The following SOX5 variants were observed in gnomAD, a reference collection of about 807,000 sequenced individuals.
SOX5 encodes the protein SRY-box transcription factor 5.
SOX5 carries 9 observed loss-of-function variants against 92.0 expected under a neutral mutation model. That is an observed-to-expected ratio of 0.10 (90% CI 0.06 to 0.17). The LOEUF (loss-of-function observed/expected upper bound fraction) is 0.17, where lower values mean the gene tolerates loss of function less well. Ranked by LOEUF, SOX5 falls within the 10% of genes least tolerant of loss-of-function variation. SOX5 has a pLI of 1.00. For missense variants in SOX5, 642 were observed against 944.5 expected, an observed-to-expected ratio of 0.68 and a Z score of 4.20; for synonymous variants, 344 against 336.3, an observed-to-expected ratio of 1.02 and a Z score of -0.25.
intron 2 of SOX5, among the ~76,000 whole-genome samples, chr12:24,332,368 A>G (rs935342268): frequency 2.0e-5 from 3 of 152,214 alleles, no homozygotes; most frequent in African/African-American, 7.2e-5. Context: ...TAGTCTTGCT[A>G]TAAATCAGCT....
chr12:24,236,269 TTG>T (rs1284069078), intron 3 of SOX5, among the ~76,000 whole-genome samples: 1 of 152,082 alleles, frequency 6.6e-6, no homozygotes, highest in Non-Finnish European at 1.5e-5. Context: ...GTGAAAGAAC[TTG>T]TGTCATTCTT....
chr12:23,570,587 G>A (rs1167247455), intron 10 of SOX5, among the ~76,000 whole-genome samples: 1 of 151,622 alleles, frequency 6.6e-6, no homozygotes, highest in African/African-American at 2.4e-5. Context: ...AGGCCAGACT[G>A]GACAACATGA....
At chr12:23,705,950 G>A (rs1195097903) in intron 6 of SOX5, among the ~76,000 whole-genome samples, 4 of 152,066 alleles carry the variant, frequency 2.6e-5, no homozygotes, top group African/African-American at 9.6e-5. Flanking sequence ...GGAGCTCCTA[G>A]AGAGGGAACA....
chr12:24,528,561 G>T (rs998730256), intron 1 of SOX5, among the ~76,000 whole-genome samples: 3 of 152,236 alleles, frequency 2.0e-5, no homozygotes, highest in African/African-American at 7.2e-5. Flanking sequence ...GGAGAGAAGA[G>T]TGGATGCTAC....
chr12:23,594,734 A>G (rs1952092015), intron 9 of SOX5, among the ~76,000 whole-genome samples: 1 of 152,094 alleles, frequency 6.6e-6, no homozygotes, highest in African/African-American at 2.4e-5. Flanking sequence ...GGTCTTTCTC[A>G]TTTCCCAACC....
At chr12:24,226,763 G>T (rs946917259) in intron 3 of SOX5, among the ~76,000 whole-genome samples, 1 of 152,154 alleles carries the variant, frequency 6.6e-6, no homozygotes, top group African/African-American at 2.4e-5. Context: ...GAGCCACCAC[G>T]CCCGGCCTGT....
At chr12:24,524,435 G>A (rs576732392) in intron 1 of SOX5, among the ~76,000 whole-genome samples, 3 of 151,002 alleles carry the variant, frequency 2.0e-5, no homozygotes, top group African/African-American at 4.9e-5. Context: ...CTGTCTCTCT[G>A]GAGAACCCTA....
At chr12:23,950,260 ACG>A (rs1027800232), upstream of SOX5, among the ~76,000 whole-genome samples, 1 of 140,036 alleles carries the variant, frequency 7.1e-6, no homozygotes, top group Non-Finnish European at 1.6e-5. Context: ...ACGGAAATAC[ACG>A]CACACACACA....
At chr12:24,256,948 T>C (rs551465329) in intron 3 of SOX5, among the ~76,000 whole-genome samples, 67 of 152,318 alleles carry the variant, frequency 4.4e-4, no homozygotes, top group African/African-American at 1.5e-3. Flanking sequence ...ACTGAGCTCA[T>C]TGTTTAGAGC....
intron 6 of SOX5, among the ~76,000 whole-genome samples, chr12:23,710,202 C>T (rs575856148): frequency 1.3e-5 from 2 of 152,094 alleles, no homozygotes; most frequent in East Asian, 3.9e-4. Context: ...ATATGTGGTA[C>T]ATAATTTGGC....
intron 2 of SOX5, among the ~76,000 whole-genome samples, chr12:23,860,891 G>C (rs1365159411): frequency 7.1e-6 from 1 of 139,912 alleles, no homozygotes; most frequent in African/African-American, 2.7e-5. Context: ...GGTCTGCCCT[G>C]TACATTTTTG....
intron 2 of SOX5, among the ~76,000 whole-genome samples, chr12:24,361,623 GTGTGTGTGTGCGCA>G (rs1001676928): frequency 1.6e-4 from 24 of 151,830 alleles, no homozygotes; most frequent in Middle Eastern, 3.4e-3. Context: ...GTGTGTGTGT[GTGTGTGTGTGCGCA>G]TGTGTGTGTG....
Position 24,166,002 on chromosome 12 carries a change from G to A in SOX5, c.-2+47341C>T, listed in dbSNP as rs192118611. ...CTAGAAGCAGCGATATGTTTAAAGA[G>A]ATAGTACAATAACCCAGGAAAACAT... On this transcript the variant is annotated intron_variant, in intron 4 of 4. Coordinates refer to the SOX5 transcript ENST00000446891. 4.6e-4 allele frequency among the ~76,000 whole-genome samples: 70 copies of A among 152,266 alleles called. 1 individual carries two copies. The East Asian group carries it at 0.012, about 26-fold the overall frequency.
intron 3 of SOX5, among the ~76,000 whole-genome samples, chr12:23,808,266 C>A (rs2095816595): frequency 6.6e-6 from 1 of 152,048 alleles, no homozygotes; most frequent in Non-Finnish European, 1.5e-5. Flanking sequence ...ATGACTTTCC[C>A]ACGATCCTTT....
At chr12:24,368,105 A>G (rs1317654824) in intron 2 of SOX5, 1 of 152,220 alleles carries the variant, frequency 6.6e-6, no homozygotes, top group African/African-American at 2.4e-5. Context: ...ACTTTGCTCA[A>G]TTGGAGGAAC....
chr12:24,359,013 T>C (rs1308384427), intron 2 of SOX5, among the ~76,000 whole-genome samples: 1 of 152,182 alleles, frequency 6.6e-6, no homozygotes, highest in African/African-American at 2.4e-5. Context: ...ATCCTGGAAA[T>C]TGAGGAATCC....
In SOX5 at chr12:23,644,607, T is replaced by C. The variant is rs114400906; in HGVS notation, c.932-3710A>G. On this transcript the variant is annotated intron_variant, in intron 7 of 14. Transcript: ENST00000451604. ...AGCAAACTTTATAAGAAGGTACATA[T>C]GTAGAAAAATTATACCATGCTCGTA... Among the ~76,000 whole-genome samples the C allele has an allele frequency of 5.8e-3, 885 of 152,272 alleles. 8 individuals carry two copies. The highest frequency in any genetic ancestry group is 0.02 in the African/African-American group (830 of 41,548).
intron 4 of SOX5, among the ~76,000 whole-genome samples, chr12:24,163,582 C>T (rs1012618447): frequency 6.6e-6 from 1 of 150,444 alleles, no homozygotes; most frequent in Non-Finnish European, 1.5e-5. Context: ...CATTATCTGG[C>T]TTGGGTCATA....
intron 4 of SOX5, among the ~76,000 whole-genome samples, chr12:24,074,871 CTT>C (rs2137500923): frequency 7.2e-6 from 1 of 138,664 alleles, no homozygotes; most frequent in South Asian, 2.3e-4. Flanking sequence ...CTTTGGATTA[CTT>C]TCTTTTGTTT....
Sources: gnomAD v4.1 joint callset for allele counts (sites outside exome capture counted in the v4.1 genomes callset) on GRCh38, gnomAD v4.1.1 for gene constraint, MANE v1.5 for transcripts, NCBI Gene and HGNC (gene_info 2026-07-23, HGNC 2026-07-21) for gene names.